LAMA4: variants seen among roughly 807,000 people sequenced by gnomAD.
The protein encoded by LAMA4 is laminin subunit alpha 4.
A neutral mutation model predicts 207.1 loss-of-function variants in LAMA4; 127 were observed. The ratio of observed to expected loss-of-function variants is 0.61; its 90% CI spans 0.53 to 0.71. The LOEUF is 0.71. Among genes scored for constraint, LAMA4 ranks in the 30% least tolerant of loss-of-function variants. The probability of loss-of-function intolerance (pLI) is 0.00; values close to 1 mark genes in which losing one functional copy is unlikely to be tolerated. For synonymous variants in LAMA4, 761 were observed against 816.0 expected (o/e 0.93, Z 1.15); for missense variants, 2,093 against 2,246.5 (o/e 0.93, Z 1.38).
intron 2 of LAMA4, among the ~76,000 whole-genome samples, chr6:112,221,154 AT>A (rs2115082302): frequency 6.6e-6 from 1 of 152,276 alleles, no homozygotes; most frequent in East Asian, 1.9e-4. Flanking sequence ...TATGAGATAA[AT>A]TCTGAGGTTT....
intron 5 of LAMA4, among the ~76,000 whole-genome samples, chr6:112,200,456 T>C (rs1783675171): frequency 1.3e-5 from 2 of 152,210 alleles, no homozygotes; most frequent in African/African-American, 4.8e-5. Flanking sequence ...AATTCAACCA[T>C]TGTGGAAGAC....
chr6:112,224,263 CT>C (rs1785079917), intron 2 of LAMA4, among the ~76,000 whole-genome samples: 1 of 151,934 alleles, frequency 6.6e-6, no homozygotes, highest in African/African-American at 2.4e-5. Flanking sequence ...CCTCCCTCCC[CT>C]TTATTATCCA....
rs201328383 is a variant in LAMA4 at position 112,109,468 on chromosome 6, G to C, written c.5441C>G (p.Ala1814Gly). 6.2e-7 allele frequency: 1 copy of C among 1,614,034 alleles called. No individual in the cohort carries two copies. The highest frequency in any genetic ancestry group is 2.2e-5 in the East Asian group (1 of 44,876). The change falls in exon 39 of 39, where the codon GCC becomes GGC. Residue 1814 changes from alanine to glycine, a missense_variant. Ala to Gly is a moderately conservative substitution (Grantham distance 60, BLOSUM62 0). Transcript: ENST00000230538. ...SFSKAALVSG[A>G]VSINSCPAA ...TGCTGGACAGGAGTTGATGCTTACG[G>C]CGCCGCTGACCAGGGCTGCTTTACT...
intron 32 of LAMA4, among the ~76,000 whole-genome samples, chr6:112,121,429 T>A (rs1383253503): frequency 6.6e-6 from 1 of 152,270 alleles, no homozygotes; most frequent in Non-Finnish European, 1.5e-5. Context: ...AGATTTCTTA[T>A]TGAATACTTT....
At chr6:112,140,156 C>T (rs1049870990) in intron 22 of LAMA4, among the ~76,000 whole-genome samples, 5 of 152,114 alleles carry the variant, frequency 3.3e-5, no homozygotes, top group African/African-American at 1.2e-4. Context: ...TCAGTCCTTG[C>T]GCCAGCTTTG....
In LAMA4 at chr6:112,254,087, A is replaced by G. The variant is rs1554190524; in HGVS notation, c.64T>C (p.Ser22Pro). ...PLWLLWSAAC[S>P]RAASGDDNAF... Reference sequence around the variant, plus strand: ...TTGTCGTCCCCGGACGCGGCGCGGGAGCAGGCAGCGCTCCAGAGGAGCCAC... The same window carrying G: ...TTGTCGTCCCCGGACGCGGCGCGGGGGCAGGCAGCGCTCCAGAGGAGCCAC... The change falls in exon 2 of 39, where the codon TCC becomes CCC. Residue 22 changes from serine (S) to proline (P), a missense_variant. Physicochemically the swap from Ser to Pro is moderately conservative, Grantham distance 74. Coordinates refer to ENST00000230538, the MANE Select transcript of LAMA4 (RefSeq NM_001105206.3). The G allele has an allele frequency of 6.2e-7, 1 of 1,612,372 alleles. No individual in the cohort carries two copies. The highest frequency in any genetic ancestry group is 8.5e-7 in the Non-Finnish European group (1 of 1,179,700).
At chr6:112,241,190 T>G (rs12213333) in intron 2 of LAMA4, among the ~76,000 whole-genome samples, 1 of 140,544 alleles carries the variant, frequency 7.1e-6, no homozygotes, top group Non-Finnish European at 1.6e-5. Context: ...TGAATATATA[T>G]GAATATATAT....
chr6:112,249,269 C>G (rs969326214), intron 2 of LAMA4, among the ~76,000 whole-genome samples: 1 of 151,804 alleles, frequency 6.6e-6, no homozygotes. Context: ...ATGGTGAAAC[C>G]CTGTCTCTAC....
At chr6:112,141,198 T>C (rs999207018) in intron 21 of LAMA4, among the ~76,000 whole-genome samples, 160 bp downstream of exon 21, 1 of 152,026 alleles carries the variant, frequency 6.6e-6, no homozygotes, top group Non-Finnish European at 1.5e-5. Context: ...AATATAAGAA[T>C]AATGGAAGAA....
At chr6:112,226,504 C>A (rs1475746961) in intron 2 of LAMA4, among the ~76,000 whole-genome samples, 1 of 152,192 alleles carries the variant, frequency 6.6e-6, no homozygotes, top group Admixed American at 6.5e-5. Context: ...CAGACTCAGT[C>A]ACTCACATGG....
At chr6:112,181,624 A>G (rs1554345292) in intron 9 of LAMA4, among the ~76,000 whole-genome samples, 1 of 152,110 alleles carries the variant, frequency 6.6e-6, no homozygotes, top group African/African-American at 2.4e-5. Flanking sequence ...AGCCTTTCCT[A>G]GTGTACCCAT....
intron 31 of LAMA4, among the ~76,000 whole-genome samples, chr6:112,127,105 G>C (rs530590154): frequency 6.6e-6 from 1 of 152,106 alleles, no homozygotes. Context: ...GATGCAGATA[G>C]CTGTGTATGT....
At chr6:112,175,714 G>A (rs1483003535) in intron 10 of LAMA4, among the ~76,000 whole-genome samples, 4 of 152,226 alleles carry the variant, frequency 2.6e-5, no homozygotes, top group Non-Finnish European at 5.9e-5. Flanking sequence ...TGCTTCCCAT[G>A]CGGGGTCTTC....
At chr6:112,139,692 G>T (rs2114693693) in intron 23 of LAMA4, 60 bp downstream of exon 23, 1 of 1,590,088 alleles carries the variant, frequency 6.3e-7, no homozygotes, top group Non-Finnish European at 8.6e-7. Flanking sequence ...ACTCATACTT[G>T]TTCTATCTGC....
chr6:112,130,908 T>C, intron 29 of LAMA4, 60 bp downstream of exon 29: 1 of 1,573,256 alleles, frequency 6.4e-7, no homozygotes, highest in East Asian at 2.2e-5. Flanking sequence ...TAGTGGTTTT[T>C]GACATAATCA....
Position 112,175,525 on chromosome 6 carries a change from C to A in LAMA4, c.1190-45G>T. The stretch of plus-strand genomic sequence containing the variant: ...GAAACAAGGCAGCAGGGAGAGATGA[C>A]CAGGCACTAGAAATGCAAGGGAGCA... On this transcript the variant is annotated intron_variant, in intron 10 of 38. Coordinates refer to ENST00000230538, the MANE Select transcript of LAMA4 (RefSeq NM_001105206.3). The A allele has an allele frequency of 1.9e-6, 3 of 1,602,842 alleles. No individual in the cohort carries two copies. In the African/African-American group the frequency reaches 4.0e-5, roughly 21 times the overall value.
intron 8 of LAMA4, chr6:112,186,802 C>G (rs1554346778): frequency 6.6e-6 from 3 of 451,660 alleles, no homozygotes; most frequent in Non-Finnish European, 1.3e-5. Context: ...TTGGTTGAAT[C>G]TGAGGATGTG....
Position 112,140,927 on chromosome 6 carries a change from T to G in LAMA4, c.2814-5A>C, listed in dbSNP as rs111742984. 6.2e-7 allele frequency: 1 copy of G among 1,608,318 alleles called. No homozygotes were observed. Among genetic ancestry groups the G allele is most frequent in the African/African-American group, 1.3e-5 (1 of 74,940 alleles). ...ACCTTTCCATGTTTTCCCACCCTATTGAGATAAATAATTTTCACTTGTTAT... is the reference window on the plus strand; with the variant it reads ...ACCTTTCCATGTTTTCCCACCCTATGGAGATAAATAATTTTCACTTGTTAT... On this transcript the variant is annotated splice_region_variant and splice_polypyrimidine_tract_variant and intron_variant, in intron 21 of 38. Transcript: ENST00000230538.
Position 112,175,386 on chromosome 6 carries a change from T to G in LAMA4, c.1284A>C (p.Glu428Asp). Residue 428 changes from glutamate to aspartate, a missense_variant, in exon 11 of 39, where the codon GAA becomes GAC. By Grantham distance (45) the Glu-to-Asp change is conservative (BLOSUM62 2). This residue lies in a region of LAMA4 where 1,704 missense variants were observed against 1,788.4 expected (regional missense o/e 0.95). Transcript: ENST00000230538. ...AAAATGGTTGACGGCTTCTAATCTC[T>G]TCAAGCATCTTCTGGGCCAACACCA... is the stretch of plus-strand genomic sequence containing the variant. The part of the protein sequence containing the change: ...EKLVLAQKML[E>D]EIRSRQPFFT... The G allele has an allele frequency of 6.2e-7, 1 of 1,614,204 alleles. No homozygotes were observed. The highest frequency in any genetic ancestry group is 1.3e-5 in the African/African-American group (1 of 75,048).
Sources: allele counts gnomAD v4.1 joint callset (sites outside exome capture counted in the v4.1 genomes callset), GRCh38; gene constraint gnomAD v4.1.1; regional missense constraint gnomAD v4.1.1; transcripts MANE v1.5; gene names NCBI Gene and HGNC (gene_info 2026-07-23, HGNC 2026-07-21).